NELL1: variants seen among roughly 807,000 people sequenced by gnomAD.
The protein encoded by NELL1 is protein kinase C-binding protein NELL1.
Under a neutral mutation model 107.4 loss-of-function variants are expected in NELL1, and 76 were observed. The ratio of observed to expected loss-of-function variants is 0.71; its 90% CI spans 0.59 to 0.86. The LOEUF is 0.86. Among genes scored for constraint, NELL1 ranks in the 40% least tolerant of loss-of-function variants. The pLI, the probability that NELL1 is intolerant of heterozygous loss-of-function variation, is 0.00. For missense variants in NELL1, 1,024 were observed against 1,005.5 expected, an observed-to-expected ratio of 1.02 and a Z score of -0.25; for synonymous variants, 353 against 341.2, an observed-to-expected ratio of 1.03 and a Z score of -0.38.
chr11:21,056,069 T>C (rs1227695614), intron 12 of NELL1, among the ~76,000 whole-genome samples: 1 of 152,206 alleles, frequency 6.6e-6, no homozygotes, highest in East Asian at 1.9e-4. Context: ...CTTCACAACA[T>C]GCTGATGAGG....
chr11:21,471,534 G>A lies in NELL1; in HGVS notation c.1646-62840G>A, dbSNP rs1590957977. On this transcript the variant is annotated intron_variant, in intron 15 of 19. Transcript: ENST00000357134. Reference sequence around the variant, plus strand: ...CTGAAAATAGTTTCAAAGATTAAGTGAATTATATAACAATATAATTATAAA... The same window carrying A: ...CTGAAAATAGTTTCAAAGATTAAGTAAATTATATAACAATATAATTATAAA... 3.3e-5 allele frequency among the ~76,000 whole-genome samples: 5 copies of A among 152,088 alleles called. No individual in the cohort carries two copies. In the South Asian group the frequency reaches 1.0e-3, roughly 32 times the overall value.
chr11:20,950,273 T>G (rs1412543327), intron 11 of NELL1, among the ~76,000 whole-genome samples: 1 of 152,128 alleles, frequency 6.6e-6, no homozygotes, highest in Non-Finnish European at 1.5e-5. Context: ...CATCAGGCAA[T>G]CAGGAAATGA....
At chr11:21,390,434 A>G (rs1851845098) in intron 15 of NELL1, among the ~76,000 whole-genome samples, 1 of 150,526 alleles carries the variant, frequency 6.6e-6, no homozygotes, top group Non-Finnish European at 1.5e-5. Flanking sequence ...TCAGTTTTAG[A>G]TGTTACCTAT....
chr11:20,914,537 G>A (rs1293219729), intron 5 of NELL1, among the ~76,000 whole-genome samples: 1 of 152,114 alleles, frequency 6.6e-6, no homozygotes, highest in African/African-American at 2.4e-5. Context: ...TATTGTAAAT[G>A]TGTATCATTA....
At chr11:21,440,708 G>A (rs1254214185) in intron 15 of NELL1, among the ~76,000 whole-genome samples, 5 of 152,046 alleles carry the variant, frequency 3.3e-5, no homozygotes, top group Non-Finnish European at 5.9e-5. Context: ...TGAAGAATTC[G>A]TGTGCTAAGA....
chr11:21,513,441 C>G (rs1314152916), intron 15 of NELL1, among the ~76,000 whole-genome samples: 3 of 152,108 alleles, frequency 2.0e-5, no homozygotes, highest in Non-Finnish European at 4.4e-5. Context: ...GAAAAAAATA[C>G]TTTTGCCAGA....
chr11:21,346,283 T>C (rs1056104899), intron 14 of NELL1, among the ~76,000 whole-genome samples: 1 of 152,066 alleles, frequency 6.6e-6, no homozygotes, highest in African/African-American at 2.4e-5. Flanking sequence ...TCCAGAATTA[T>C]ATTAGCTAGT....
At chr11:20,692,724 A>G (rs1382604737) in intron 2 of NELL1, among the ~76,000 whole-genome samples, 8 of 151,926 alleles carry the variant, frequency 5.3e-5, no homozygotes, top group Non-Finnish European at 1.5e-5. Context: ...TCAATTTTGG[A>G]ATAAGTGTGA....
At chr11:21,369,880 A>G (rs556503077) in intron 14 of NELL1, among the ~76,000 whole-genome samples, 2 of 152,200 alleles carry the variant, frequency 1.3e-5, no homozygotes, top group East Asian at 3.9e-4. Flanking sequence ...GAGTTTTACT[A>G]TCAGAACAAC....
At chr11:21,457,427 A>G (rs1194726270) in intron 15 of NELL1, among the ~76,000 whole-genome samples, 3 of 152,172 alleles carry the variant, frequency 2.0e-5, no homozygotes, top group Admixed American at 1.3e-4. Context: ...GAGGTATTAA[A>G]CATTATTTTG....
At chr11:21,508,465 A>C (rs1015513976) in intron 15 of NELL1, among the ~76,000 whole-genome samples, 4 of 152,206 alleles carry the variant, frequency 2.6e-5, no homozygotes, top group Admixed American at 2.6e-4. Context: ...TGATATTTAC[A>C]AAACATTGCA....
intron 4 of NELL1, among the ~76,000 whole-genome samples, chr11:20,850,999 T>C (rs1283268048): frequency 6.6e-6 from 1 of 152,162 alleles, no homozygotes; most frequent in Non-Finnish European, 1.5e-5. Context: ...TCCAAAACCT[T>C]AGTCTAACCC....
intron 13 of NELL1, among the ~76,000 whole-genome samples, chr11:21,165,908 C>T (rs1297070993): frequency 6.6e-6 from 1 of 151,294 alleles, no homozygotes; most frequent in East Asian, 1.9e-4. Flanking sequence ...GTGCCCACTA[C>T]AACACCCGGC....
At position 21,370,901 on chromosome 11, in the gene NELL1, A is replaced by G. The variant is rs571465629; in HGVS notation, c.1598A>G (p.Asn533Ser). Reference protein sequence around the residue: ...CRYGGTCVAPNKCVCPSGFTG... With the variant: ...CRYGGTCVAPSKCVCPSGFTG... ...TACGGTGGAACGTGTGTGGCTCCCA[A>G]CAAATGTGTCTGTCCATCTGGATTC... Residue 533 changes from asparagine (N) to serine (S), a missense_variant, in exon 15 of 20, where the codon AAC (asparagine) becomes AGC (serine). Asn to Ser is a conservative substitution (Grantham distance 46). Transcript: ENST00000357134. 6 of 1,611,886 alleles carry G rather than the reference A, an allele frequency of 3.7e-6. No individual in the cohort carries two copies. The highest frequency in any genetic ancestry group is 4.5e-5 in the East Asian group (2 of 44,722).
chr11:21,150,947 A>C (rs1856101266), intron 13 of NELL1, among the ~76,000 whole-genome samples: 2 of 152,070 alleles, frequency 1.3e-5, no homozygotes, highest in African/African-American at 4.8e-5. Flanking sequence ...TCACATGGTG[A>C]AGCTGGAGAG....
intron 13 of NELL1, among the ~76,000 whole-genome samples, chr11:21,124,623 A>G (rs1028985950): frequency 6.8e-6 from 1 of 146,272 alleles, no homozygotes; most frequent in African/African-American, 2.6e-5. Context: ...TTTTTTTGAG[A>G]CAGATTTCGC....
rs748990700 is a variant in NELL1 at position 21,106,926 on chromosome 11, T to TCTTTA, written c.1301-6658_1301-6654dup. ...GGGCAAGTTGGAAATTTTCTCTGGG[T>TCTTTA]CTTTACTTTCTCATCTGAAAAAGGG... is the stretch of plus-strand genomic sequence containing the variant. On this transcript the variant is annotated intron_variant, in intron 12 of 19. Coordinates refer to ENST00000357134, the MANE Select transcript of NELL1 (RefSeq NM_006157.5). 7.2e-4 allele frequency among the ~76,000 whole-genome samples: 109 copies of TCTTTA among 152,292 alleles called. 1 individual carries two copies. Among genetic ancestry groups the TCTTTA allele is most frequent in the Middle Eastern group, 3.4e-3 (1 of 292 alleles).
intron 18 of NELL1, 139 bp from the exon 19 acceptor site, chr11:21,573,046 A>G: frequency 4.5e-6 from 3 of 661,060 alleles, no homozygotes; most frequent in Non-Finnish European, 7.9e-6. Context: ...TCAAGGAGGA[A>G]GTGTACTTTA....
intron 2 of NELL1, among the ~76,000 whole-genome samples, chr11:20,705,923 C>G (rs188680909): frequency 2.1e-4 from 32 of 152,296 alleles, no homozygotes; most frequent in Non-Finnish European, 1.2e-4. Context: ...AAATGCTCAT[C>G]ATGACTGGCC....
Sources: gnomAD v4.1 joint callset for allele counts (sites outside exome capture counted in the v4.1 genomes callset) on GRCh38, gnomAD v4.1.1 for gene constraint, MANE v1.5 for transcripts, NCBI Gene and HGNC (gene_info 2026-07-23, HGNC 2026-07-21) for gene names.